The following PCDHGA5 variants were observed in gnomAD, a reference collection of about 807,000 sequenced individuals.
The protein encoded by PCDHGA5 is protocadherin gamma-A5.
A neutral mutation model predicts 56.7 loss-of-function variants in PCDHGA5; 36 were observed. The ratio of observed to expected loss-of-function variants is 0.64; its 90% CI spans 0.49 to 0.84. The LOEUF (loss-of-function observed/expected upper bound fraction) is 0.84, where lower values mean the gene tolerates loss of function less well. Ranked by LOEUF, PCDHGA5 falls within the 40% of genes least tolerant of loss-of-function variation. The pLI is 0.00. For missense variants in PCDHGA5, 1,305 were observed against 1,201.5 expected (o/e 1.09, Z -1.27); for synonymous variants, 563 against 520.2 (o/e 1.08, Z -1.12).
In PCDHGA5 at chr5:141,385,021, G is replaced by A. The variant is rs556987681; in HGVS notation, c.2421+18270G>A. On this transcript the variant is annotated intron_variant, in intron 1 of 3. Coordinates refer to ENST00000518069, the MANE Select transcript of PCDHGA5 (RefSeq NM_018918.3). ...AGTCTCCTGCGTCTTCCTAGCCTTC[G>A]TCCTCGTACTGCTGGCGCTCAGGCT... 4.4e-5 allele frequency: 71 copies of A among 1,614,120 alleles called. No individual in the cohort carries two copies. The East Asian group carries it at 1.5e-3, about 35-fold the overall frequency.
chr5:141,497,060 G>A (rs1244885752), intron 2 of PCDHGA5, among the ~76,000 whole-genome samples: 1 of 151,952 alleles, frequency 6.6e-6, no homozygotes, highest in African/African-American at 2.4e-5. Context: ...GTGGTGGCAG[G>A]CACCTGTAAT....
At chr5:141,377,717 T>C (rs1025721438) in intron 1 of PCDHGA5, 1 of 152,222 alleles carries the variant, frequency 6.6e-6, no homozygotes, top group African/African-American at 2.4e-5. Context: ...AAATTATTTT[T>C]GAAAAGATAA....
chr5:141,494,790 C>A lies in PCDHGA5; in HGVS notation c.2422-17C>A, dbSNP rs909145. 17 of 1,614,014 alleles carry A rather than the reference C, an allele frequency of 1.1e-5. 1 individual carries two copies. The South Asian group carries it at 1.9e-4, about 18-fold the overall frequency. ...TCTCACGGGTACTCAGCCCCTTTCC[C>A]TCTGTTTTCTCCACAGCAAGCCCCG... On this transcript the variant is annotated splice_polypyrimidine_tract_variant and intron_variant, in intron 1 of 3. Transcript: ENST00000518069.
intron 3 of PCDHGA5, among the ~76,000 whole-genome samples, chr5:141,510,591 A>G (rs1050708244): frequency 6.6e-6 from 1 of 152,176 alleles, no homozygotes; most frequent in Non-Finnish European, 1.5e-5. Flanking sequence ...TACCTGACAT[A>G]CATTTTCTTA....
At position 141,477,722 on chromosome 5, in the gene PCDHGA5, A is replaced by G. The variant is rs768705340; in HGVS notation, c.2422-17085A>G. 9.3e-6 allele frequency: 15 copies of G among 1,613,878 alleles called. No homozygotes were observed. In the Middle Eastern group the frequency reaches 6.6e-4, roughly 71 times the overall value. On this transcript the variant is annotated intron_variant, in intron 1 of 3. Transcript: ENST00000518069. The surrounding 1 kb of genome is among the most constrained non-coding windows in gnomAD (Gnocchi z 4.9). ...TGAGGATCGGCGGGAATTTGAATTA[A>G]CAGCTCATATCAGCGATGGGGGCAC...
intron 1 of PCDHGA5, among the ~76,000 whole-genome samples, chr5:141,481,730 G>C (rs778885944): frequency 6.6e-5 from 10 of 151,952 alleles, no homozygotes; most frequent in Non-Finnish European, 1.3e-4. Flanking sequence ...GAGGCGGGCG[G>C]ATCACGAGGT....
chr5:141,476,328 G>C lies in PCDHGA5; in HGVS notation c.2422-18479G>C, dbSNP rs1381722714. On this transcript the variant is annotated intron_variant, in intron 1 of 3. Coordinates refer to ENST00000518069, the MANE Select transcript of PCDHGA5 (RefSeq NM_018918.3). This position sits in a 1 kb window ranked among gnomAD's most constrained non-coding sequence, Gnocchi z 7.6. Reference sequence around the variant, plus strand: ...GCCCGCAGGTTCCGGGTGGTGTCTGGAGCTAGCCGAAGATTCTTTGAGGTG... The same window carrying C: ...GCCCGCAGGTTCCGGGTGGTGTCTGCAGCTAGCCGAAGATTCTTTGAGGTG... 1 of 1,614,176 alleles carries C rather than the reference G, an allele frequency of 6.2e-7. No individual in the cohort carries two copies. Among genetic ancestry groups the C allele is most frequent in the East Asian group, 2.2e-5 (1 of 44,864 alleles).
intron 1 of PCDHGA5, among the ~76,000 whole-genome samples, chr5:141,464,094 G>A (rs540562188): frequency 7.4e-4 from 112 of 151,988 alleles, no homozygotes; most frequent in Non-Finnish European, 1.1e-3. Context: ...GTGAAACTCC[G>A]TCTCTACTAA....
chr5:141,404,165 T>C, intron 1 of PCDHGA5: 1 of 1,613,246 alleles, frequency 6.2e-7, no homozygotes, highest in South Asian at 1.1e-5. Flanking sequence ...TTACAGATTG[T>C]TGACGGCCCA....
chr5:141,420,186 C>A, intron 1 of PCDHGA5: 1 of 1,613,696 alleles, frequency 6.2e-7, no homozygotes, highest in Non-Finnish European at 8.5e-7. Context: ...CATTGTCCAG[C>A]CACACAAGAT....
chr5:141,470,323 A>C (rs1029928511), intron 1 of PCDHGA5, among the ~76,000 whole-genome samples: 1 of 152,188 alleles, frequency 6.6e-6, no homozygotes, highest in African/African-American at 2.4e-5. Flanking sequence ...AAATGATCCC[A>C]TAATTTGACC....
chr5:141,410,110 C>T, intron 1 of PCDHGA5: 4 of 1,612,540 alleles, frequency 2.5e-6, no homozygotes, highest in Non-Finnish European at 3.4e-6. Flanking sequence ...GCGACAGGGA[C>T]GCAGCCCGCC....
rs367744321 is a variant in PCDHGA5, at chr5:141,489,394, C to G, written c.2422-5413C>G. The G allele has an allele frequency of 3.7e-6, 6 of 1,614,008 alleles. No individual in the cohort carries two copies. In the African/African-American group the frequency reaches 6.7e-5, roughly 18 times the overall value. On this transcript the variant is annotated intron_variant, in intron 1 of 3. Transcript: ENST00000518069. The surrounding 1 kb of genome is among the most constrained non-coding windows in gnomAD (Gnocchi z 4.5). ...GCTGGTGGGGAATGTTGCTCAGGATCTGGGCTTAAAGATGACAGATCTGTT... is the reference window on the plus strand; with the variant it reads ...GCTGGTGGGGAATGTTGCTCAGGATGTGGGCTTAAAGATGACAGATCTGTT...
At position 141,486,616 on chromosome 5, in the gene PCDHGA5, C is replaced by T. The variant is rs759167270; in HGVS notation, c.2422-8191C>T. On this transcript the variant is annotated intron_variant, in intron 1 of 3. Coordinates refer to ENST00000518069, the MANE Select transcript of PCDHGA5 (RefSeq NM_018918.3). The surrounding 1 kb of genome is among the most constrained non-coding windows in gnomAD (Gnocchi z 5.0). ...TGCTTTGCTCCCTTGCAGCCTCTGA[C>T]CCAGACTCTGGCTTGAATGCGCTTA... is the stretch of plus-strand genomic sequence containing the variant. 2 of 1,613,500 alleles carry T rather than the reference C, an allele frequency of 1.2e-6. No individual in the cohort carries two copies. The highest frequency in any genetic ancestry group is 3.3e-5 in the Admixed American group (2 of 60,004).
chr5:141,429,861 A>G (rs1483953460), intron 1 of PCDHGA5, among the ~76,000 whole-genome samples: 1 of 152,226 alleles, frequency 6.6e-6, no homozygotes, highest in Non-Finnish European at 1.5e-5. Flanking sequence ...TCTTTGGACT[A>G]CCAATTTTCT....
chr5:141,461,667 G>C (rs1337688159), intron 1 of PCDHGA5, among the ~76,000 whole-genome samples: 4 of 151,994 alleles, frequency 2.6e-5, no homozygotes, highest in African/African-American at 9.7e-5. Context: ...TTTAAAGTTT[G>C]TTATTTTGTT....
At chr5:141,508,718 G>T (rs2099871076) in intron 3 of PCDHGA5, among the ~76,000 whole-genome samples, 1 of 151,852 alleles carries the variant, frequency 6.6e-6, no homozygotes, top group Non-Finnish European at 1.5e-5. Flanking sequence ...TTTTCTGTGT[G>T]CAGGGAGACT....
intron 2 of PCDHGA5, among the ~76,000 whole-genome samples, chr5:141,497,212 G>A (rs968445663): frequency 6.6e-6 from 1 of 150,900 alleles, no homozygotes; most frequent in Non-Finnish European, 1.5e-5. Flanking sequence ...AGTGTAATGG[G>A]GGGGGGAAGA....
chr5:141,392,649 C>G, intron 1 of PCDHGA5: 1 of 703,200 alleles, frequency 1.4e-6, no homozygotes, highest in Non-Finnish European at 2.2e-6. Flanking sequence ...CACGAAGACC[C>G]GCAGATGCCA....
Sources: allele counts gnomAD v4.1 joint callset (sites outside exome capture counted in the v4.1 genomes callset), GRCh38; gene constraint gnomAD v4.1.1; non-coding constraint Gnocchi (gnomAD v3.1); transcripts MANE v1.5; gene names NCBI Gene and HGNC (gene_info 2026-07-23, HGNC 2026-07-21).